GJA3: variants seen among roughly 807,000 people sequenced by gnomAD.
GJA3 encodes gap junction alpha-3 protein.
For synonymous variants in GJA3, 297 were observed against 292.6 expected (o/e 1.02, Z -0.15); for missense variants, 571 against 620.3 (o/e 0.92, Z 0.84).
intron 1 of GJA3, among the ~76,000 whole-genome samples, chr13:20,145,366 C>A (rs1958835816): frequency 6.6e-6 from 1 of 152,154 alleles, no homozygotes. Flanking sequence ...ACGCATCCTC[C>A]CAGCCTCTCA....
intron 1 of GJA3, among the ~76,000 whole-genome samples, chr13:20,144,741 A>G (rs1958832253): frequency 6.6e-6 from 1 of 152,210 alleles, no homozygotes; most frequent in Non-Finnish European, 1.5e-5. Flanking sequence ...ATGAGATGGC[A>G]TCCCGTGTCG....
intron 1 of GJA3, among the ~76,000 whole-genome samples, chr13:20,145,498 T>G (rs74035925): frequency 1.3e-5 from 2 of 152,178 alleles, no homozygotes; most frequent in African/African-American, 4.8e-5. Context: ...TGGGAACAAT[T>G]TGGGGTCACT....
At chr13:20,154,864 T>A (rs2141144868) in intron 1 of GJA3, among the ~76,000 whole-genome samples, 1 of 152,302 alleles carries the variant, frequency 6.6e-6, no homozygotes, top group South Asian at 2.1e-4. Flanking sequence ...TTACCTTATT[T>A]TTTTGAGACA....
chr13:20,159,553 GAATAT>G (rs1315329336), intron 1 of GJA3, among the ~76,000 whole-genome samples: 1 of 147,596 alleles, frequency 6.8e-6, no homozygotes, highest in Non-Finnish European at 1.5e-5. Flanking sequence ...TAAGAGAAAT[GAATAT>G]AATAAGTTAA....
rs1461147381 is a variant in GJA3, at chr13:20,146,657, C to CT, written c.-17-3353dup. Among the ~76,000 whole-genome samples, 5 of 152,350 alleles carry CT rather than the reference C, an allele frequency of 3.3e-5. No individual in the cohort carries two copies. The East Asian group carries it at 9.6e-4, about 29-fold the overall frequency. Reference sequence around the variant, plus strand: ...AACAGGAGCATCCAGCATTCAGGCACTGTGTGTTGTAGCACACCAGGGATC... The same window carrying CT: ...AACAGGAGCATCCAGCATTCAGGCACTTGTGTGTTGTAGCACACCAGGGATC... On this transcript the variant is annotated intron_variant, in intron 1 of 1. Transcript: ENST00000241125.
chr13:20,143,411 G>T, intron 1 of GJA3, 106 bp from the exon 2 acceptor site: 1 of 698,802 alleles, frequency 1.4e-6, no homozygotes, highest in Non-Finnish European at 2.3e-6. Flanking sequence ...TGGGGCTGAT[G>T]GGCAGCTTCT....
At position 20,141,967 on chromosome 13, in the gene GJA3, C is replaced by T. The variant is rs1958809479; in HGVS notation, c.*14G>A. 2.6e-6 allele frequency: 4 copies of T among 1,550,006 alleles called. No individual in the cohort carries two copies. The African/African-American group carries it at 5.5e-5, about 21-fold the overall frequency. ...AGATCACTACACAGCTGTCTGGAGGCAGGCACCCGGGCACTAGATGGCCAA... is the reference window on the plus strand; with the variant it reads ...AGATCACTACACAGCTGTCTGGAGGTAGGCACCCGGGCACTAGATGGCCAA... On this transcript the variant is annotated 3_prime_UTR_variant, in exon 2 of 2. Coordinates refer to ENST00000241125, the MANE Select transcript of GJA3 (RefSeq NM_021954.4).
rs113327436 is a variant in GJA3 at position 20,153,489 on chromosome 13, T to C, written c.-18+7401A>G. Among the ~76,000 whole-genome samples the C allele has an allele frequency of 7.6e-3, 1,158 of 152,280 alleles. 13 individuals carry two copies. Among genetic ancestry groups the C allele is most frequent in the African/African-American group, 0.026 (1,087 of 41,560 alleles). On this transcript the variant is annotated intron_variant, in intron 1 of 1. Coordinates refer to ENST00000241125, the MANE Select transcript of GJA3 (RefSeq NM_021954.4). ...TGAGTTCATGTCCTTTGTAGGGACATGGATGAAGCTAGAAACCATCATTCT... is the reference window on the plus strand; with the variant it reads ...TGAGTTCATGTCCTTTGTAGGGACACGGATGAAGCTAGAAACCATCATTCT...
At chr13:20,154,664 C>G (rs181592413) in intron 1 of GJA3, among the ~76,000 whole-genome samples, 1 of 152,222 alleles carries the variant, frequency 6.6e-6, no homozygotes, top group South Asian at 2.1e-4. Flanking sequence ...TCATTGAGCA[C>G]GATGTTTTAA....
Position 20,138,650 on chromosome 13 carries a change from AT to A in GJA3, c.*3330del, listed in dbSNP as rs1220423432. 6.6e-6 allele frequency: 1 copy of A among 152,240 alleles called. No homozygotes were observed. The highest frequency in any genetic ancestry group is 1.5e-5 in the Non-Finnish European group (1 of 68,014). The allele number at this position is 152,240 out of a possible 1,614,324, so 9.4% of individuals were successfully genotyped here. A position where few individuals can be genotyped will look rare whatever the true frequency, so the allele number is the denominator to read the frequency against. ...TTAAAGGTTATTTAGGATATCCTCA[AT>A]TTGTAGGGGTGGCGGGTGGTGATGG... On this transcript the variant is annotated 3_prime_UTR_variant, in exon 2 of 2. Coordinates refer to ENST00000241125, the MANE Select transcript of GJA3 (RefSeq NM_021954.4).
chr13:20,141,901 T>C lies in GJA3; in HGVS notation c.*80A>G. On this transcript the variant is annotated 3_prime_UTR_variant, in exon 2 of 2. Coordinates refer to ENST00000241125, the MANE Select transcript of GJA3 (RefSeq NM_021954.4). ...CCTCCTGGGACTTTCAGGTTCTATC[T>C]GCTGGTGGGAAGTGCACTTTGGTTT... The C allele has an allele frequency of 6.5e-7, 1 of 1,526,876 alleles. No homozygotes were observed. Among genetic ancestry groups the C allele is most frequent in the African/African-American group, 1.4e-5 (1 of 72,390 alleles). 94.6% of individuals were successfully genotyped at this position (1,526,876 alleles called of 1,614,324 possible).
chr13:20,142,405 G>T lies in GJA3; in HGVS notation c.884C>A (p.Ala295Glu), dbSNP rs1191341741. Reference sequence around the variant, plus strand: ...GGTCAGGGCTAGCAGTTTGAAGTCCGCGGCTGGTGGCGGGGCCCCGGGGTA... The same window carrying T: ...GGTCAGGGCTAGCAGTTTGAAGTCCTCGGCTGGTGGCGGGGCCCCGGGGTA... ...VGYPGAPPPAADFKLLALTEA... is the reference protein window; with the variant it reads ...VGYPGAPPPAEDFKLLALTEA... The change falls in exon 2 of 2, where the codon GCG becomes GAG. Residue 295 changes from alanine to glutamate, a missense_variant. Ala to Glu is a moderately radical substitution (Grantham distance 107). Coordinates refer to ENST00000241125, the MANE Select transcript of GJA3 (RefSeq NM_021954.4). 6.7e-7 allele frequency: 1 copy of T among 1,500,744 alleles called. No homozygotes were observed. Among genetic ancestry groups the T allele is most frequent in the African/African-American group, 1.4e-5 (1 of 71,350 alleles). The allele number at this position is 1,500,744 out of a possible 1,614,324, so 93.0% of individuals were successfully genotyped here.
chr13:20,153,169 T>C (rs1394493261), intron 1 of GJA3, among the ~76,000 whole-genome samples: 1 of 150,840 alleles, frequency 6.6e-6, no homozygotes, highest in African/African-American at 2.4e-5. Flanking sequence ...CATCTGACTT[T>C]TTAAAAAATA....
intron 1 of GJA3, 51 bp downstream of exon 1, chr13:20,160,839 C>T (rs1958932751): frequency 6.6e-6 from 1 of 151,932 alleles, no homozygotes; most frequent in South Asian, 2.0e-4. Context: ...CCCCGCCCCG[C>T]GCTGCCCTCG....
chr13:20,151,132 G>T (rs1474018892), intron 1 of GJA3, among the ~76,000 whole-genome samples: 1 of 152,086 alleles, frequency 6.6e-6, no homozygotes, highest in East Asian at 1.9e-4. Flanking sequence ...CGGGAGCAAG[G>T]TGGCTCCTTC....
chr13:20,158,224 A>T (rs1958916878), intron 1 of GJA3, among the ~76,000 whole-genome samples: 1 of 152,174 alleles, frequency 6.6e-6, no homozygotes, highest in Non-Finnish European at 1.5e-5. Context: ...ATGGTATTTT[A>T]TTATTCCACT....
In GJA3 at chr13:20,141,970, G is replaced by T. The variant is rs1958809508; in HGVS notation, c.*11C>A. On this transcript the variant is annotated 3_prime_UTR_variant, in exon 2 of 2. Transcript: ENST00000241125. ...TCACTACACAGCTGTCTGGAGGCAG[G>T]CACCCGGGCACTAGATGGCCAAGTC... The T allele has an allele frequency of 6.5e-7, 1 of 1,550,082 alleles. No individual in the cohort carries two copies. Among genetic ancestry groups the T allele is most frequent in the African/African-American group, 1.4e-5 (1 of 73,132 alleles).
chr13:20,145,870 C>G (rs1006600322), intron 1 of GJA3, among the ~76,000 whole-genome samples: 4 of 152,170 alleles, frequency 2.6e-5, no homozygotes, highest in Admixed American at 6.5e-5. Context: ...ATCCCCCTCC[C>G]CATCCCGCTC....
intron 1 of GJA3, among the ~76,000 whole-genome samples, chr13:20,153,983 C>T (rs1958894041): frequency 6.6e-6 from 1 of 152,116 alleles, no homozygotes; most frequent in African/African-American, 2.4e-5. Context: ...ACCCCTGTTA[C>T]CCACACCAGC....
Sources: gnomAD v4.1 joint callset for allele counts (sites outside exome capture counted in the v4.1 genomes callset) on GRCh38, gnomAD v4.1.1 for gene constraint, MANE v1.5 for transcripts, NCBI Gene and HGNC (gene_info 2026-07-23, HGNC 2026-07-21) for gene names.